Variants in CCDC33 observed in about 807,000 individuals in gnomAD.
CCDC33 encodes coiled-coil domain containing 33.
In CCDC33, 94 loss-of-function variants were observed where a neutral mutation model predicts 91.9. The observed-to-expected ratio is 1.02, with a 90% confidence interval of 0.87 to 1.21. The LOEUF (loss-of-function observed/expected upper bound fraction) is 1.21, where lower values mean the gene tolerates loss of function less well. Among genes scored for constraint, CCDC33 ranks in the 50% most tolerant of loss-of-function variants. CCDC33 has a pLI of 0.00. For synonymous variants in CCDC33, 396 were observed against 374.5 expected (o/e 1.06, Z -0.66); for missense variants, 940 against 935.5 (o/e 1.00, Z -0.06).
intron 2 of CCDC33, among the ~76,000 whole-genome samples, chr15:74,221,856 C>G (rs1487073753): frequency 2.6e-5 from 4 of 152,132 alleles, no homozygotes; most frequent in Non-Finnish European, 5.9e-5. Context: ...CTCGTCCCAC[C>G]CCCTCAGCGC....
intron 11 of CCDC33, among the ~76,000 whole-genome samples, chr15:74,305,113 A>C (rs940413980): frequency 6.6e-6 from 1 of 152,108 alleles, no homozygotes; most frequent in Admixed American, 6.5e-5. Context: ...TGCCCAGCTA[A>C]CTTTTGTATT....
At chr15:74,336,215 G>A, downstream of CCDC33, 1 of 1,435,034 alleles carries the variant, frequency 7.0e-7, no homozygotes, top group Non-Finnish European at 9.1e-7. Context: ...TCTGGGCCTG[G>A]GCCTGGGTCT....
At chr15:74,325,251 AT>A (rs200975846) in intron 11 of CCDC33, among the ~76,000 whole-genome samples, 6 of 99,220 alleles carry the variant, frequency 6.0e-5, no homozygotes, top group Non-Finnish European at 1.3e-4. Flanking sequence ...AGCTCCTGAG[AT>A]TGGCCACACC....
intron 3 of CCDC33, among the ~76,000 whole-genome samples, chr15:74,265,885 G>A (rs568048776): frequency 3.3e-5 from 5 of 152,234 alleles, no homozygotes; most frequent in East Asian, 3.8e-4. Context: ...TTGGCTGGGT[G>A]TGGTGGCGGG....
chr15:74,301,448 A>G, intron 11 of CCDC33: 1 of 152,428 alleles, frequency 6.6e-6, no homozygotes, highest in Non-Finnish European at 1.5e-5. Flanking sequence ...CTCAGCTCTG[A>G]GAATTCCCCA....
intron 18 of CCDC33, 171 bp from the exon 19 acceptor site, chr15:74,335,754 G>T: frequency 1.6e-6 from 1 of 620,900 alleles, no homozygotes; most frequent in African/African-American, 1.8e-5. Flanking sequence ...GGGGACCCTT[G>T]GAGAAATTAG....
chr15:74,326,272 C>G (rs1380242955), intron 11 of CCDC33, among the ~76,000 whole-genome samples: 1 of 152,214 alleles, frequency 6.6e-6, no homozygotes, highest in Non-Finnish European at 1.5e-5. Flanking sequence ...TTGCAGTGAG[C>G]TATGATCATG....
intron 4 of CCDC33, 23 bp from the exon 5 acceptor site, chr15:74,268,319 T>A: frequency 6.4e-7 from 1 of 1,568,588 alleles, no homozygotes; most frequent in Non-Finnish European, 8.8e-7. Flanking sequence ...CCTCTGTGTC[T>A]TCTGCCCCAA....
intron 1 of CCDC33, among the ~76,000 whole-genome samples, chr15:74,240,088 C>T (rs1365917188): frequency 6.6e-6 from 1 of 152,258 alleles, no homozygotes; most frequent in Non-Finnish European, 1.5e-5. Flanking sequence ...GCCTCCCTGG[C>T]CCTGGGCCCA....
chr15:74,276,286 G>A (rs1018355136), intron 7 of CCDC33, among the ~76,000 whole-genome samples: 1 of 152,218 alleles, frequency 6.6e-6, no homozygotes, highest in African/African-American at 2.4e-5. Context: ...TAGATGGCCT[G>A]TCGGACTTCA....
chr15:74,286,726 C>T (rs1413878272), intron 10 of CCDC33, among the ~76,000 whole-genome samples: 1 of 152,188 alleles, frequency 6.6e-6, no homozygotes, highest in Non-Finnish European at 1.5e-5. Flanking sequence ...AGTAGGGCCT[C>T]TCAGATGGGT....
chr15:74,248,009 G>A (rs1256043279), intron 2 of CCDC33, among the ~76,000 whole-genome samples: 3 of 152,070 alleles, frequency 2.0e-5, no homozygotes, highest in Non-Finnish European at 2.9e-5. Flanking sequence ...TCTGGGAGGT[G>A]GAGGTTGCGC....
intron 11 of CCDC33, among the ~76,000 whole-genome samples, chr15:74,325,075 C>T (rs749195756): frequency 6.6e-6 from 1 of 151,660 alleles, no homozygotes; most frequent in East Asian, 1.9e-4. Context: ...TTGTTCACTT[C>T]ACTCTGTCAT....
chr15:74,290,383 G>A (rs2059564515), intron 10 of CCDC33, among the ~76,000 whole-genome samples: 1 of 151,954 alleles, frequency 6.6e-6, no homozygotes. Flanking sequence ...TCACCATGTT[G>A]GCCAGGCTGG....
chr15:74,266,898 A>T (rs2076180403), intron 4 of CCDC33, 111 bp downstream of exon 4: 1 of 752,012 alleles, frequency 1.3e-6, no homozygotes, highest in African/African-American at 1.7e-5. Flanking sequence ...CCACAGCATG[A>T]CAAGTCTAGG....
intron 1 of CCDC33, chr15:74,208,893 G>C: frequency 1.0e-6 from 1 of 989,702 alleles, no homozygotes; most frequent in Non-Finnish European, 1.2e-6. Context: ...AGGCAAGCAG[G>C]GTGCTCCCAA....
intron 15 of CCDC33, 39 bp downstream of exon 15, chr15:74,331,335 T>C (rs781318835): frequency 1.3e-4 from 204 of 1,602,378 alleles, no homozygotes; most frequent in Non-Finnish European, 1.7e-4. Flanking sequence ...CCCCAGCTTC[T>C]GCTCCACCCC....
rs758275216 is a variant in CCDC33 at position 74,331,308 on chromosome 15, C to G, written c.1771+12C>G. Reference sequence around the variant, plus strand: ...AAAGCCCTACACGGGTGGGTCCACACCCTGATGTGATCAGCTCCCCAGCTT... The same window carrying G: ...AAAGCCCTACACGGGTGGGTCCACAGCCTGATGTGATCAGCTCCCCAGCTT... On this transcript the variant is annotated intron_variant, in intron 15 of 18. Transcript: ENST00000398814. 1.2e-6 allele frequency: 2 copies of G among 1,613,124 alleles called. No individual in the cohort carries two copies. Among genetic ancestry groups the G allele is most frequent in the East Asian group, 4.5e-5 (2 of 44,840 alleles).
At chr15:74,276,221 G>T (rs1046006205) in intron 7 of CCDC33, among the ~76,000 whole-genome samples, 2 of 152,220 alleles carry the variant, frequency 1.3e-5, no homozygotes, top group African/African-American at 4.8e-5. Flanking sequence ...TGGGCTAGGT[G>T]GCCCTCAGTG....
Sources: gnomAD v4.1 joint callset for allele counts (sites outside exome capture counted in the v4.1 genomes callset) on GRCh38, gnomAD v4.1.1 for gene constraint, MANE v1.5 for transcripts, NCBI Gene and HGNC (gene_info 2026-07-23, HGNC 2026-07-21) for gene names.